Variants in XKR9 observed in about 807,000 individuals in gnomAD.
The protein encoded by XKR9 is XK-related protein 9.
A neutral mutation model predicts 32.0 loss-of-function variants in XKR9; 32 were observed. The observed-to-expected ratio is 1.00, with a 90% confidence interval of 0.76 to 1.34. XKR9 has a LOEUF of 1.34. Among genes scored for constraint, XKR9 ranks in the 40% most tolerant of loss-of-function variants. The pLI, the probability that XKR9 is intolerant of heterozygous loss-of-function variation, is 0.00. For missense variants in XKR9, 546 were observed against 429.7 expected, an observed-to-expected ratio of 1.27 and a Z score of -2.39; for synonymous variants, 168 against 143.4, an observed-to-expected ratio of 1.17 and a Z score of -1.22.
At chr8:70,716,518 G>A (rs66555393) in intron 4 of XKR9, among the ~76,000 whole-genome samples, 19,738 of 152,092 alleles carry the variant, frequency 0.13, 1,697 homozygotes, top group African/African-American at 0.24. Context: ...AATGAGAGCC[G>A]AATGAAGGGG....
intron 2 of XKR9, among the ~76,000 whole-genome samples, chr8:70,781,558 A>C (rs1479185264): frequency 6.6e-6 from 1 of 151,886 alleles, no homozygotes; most frequent in Non-Finnish European, 1.5e-5. Context: ...TCCAAAAAAA[A>C]AAAAAAGAGT....
the XKR9 span, among the ~76,000 whole-genome samples, chr8:71,011,191 A>G: frequency 6.6e-6 from 1 of 152,090 alleles, no homozygotes; most frequent in African/African-American, 2.4e-5. Context: ...GACGAGCAAA[A>G]TATGATTTAT....
chr8:70,712,486 T>C (rs1805952095), intron 4 of XKR9, among the ~76,000 whole-genome samples: 3 of 152,038 alleles, frequency 2.0e-5, no homozygotes, highest in African/African-American at 7.2e-5. Context: ...CCTCACAACC[T>C]TGGTGAGGAA....
At chr8:70,738,896 G>T (rs368192214), downstream of XKR9, among the ~76,000 whole-genome samples, 3 of 152,138 alleles carry the variant, frequency 2.0e-5, no homozygotes, top group East Asian at 5.8e-4. Flanking sequence ...CCAAGTATGT[G>T]GTCAATTTTG....
At chr8:70,941,177 A>G in the XKR9 span, among the ~76,000 whole-genome samples, 1 of 151,924 alleles carries the variant, frequency 6.6e-6, no homozygotes, top group South Asian at 2.1e-4. Flanking sequence ...TTTGGGATTT[A>G]CATATTCTGG....
chr8:70,719,143 G>A (rs1006329997), intron 4 of XKR9, among the ~76,000 whole-genome samples: 8 of 151,822 alleles, frequency 5.3e-5, no homozygotes, highest in African/African-American at 1.7e-4. Flanking sequence ...ATCCTTCACT[G>A]ACTTTTTGAT....
At chr8:70,867,026 G>A in the XKR9 span, among the ~76,000 whole-genome samples, 153 of 152,178 alleles carry the variant, frequency 1.0e-3, no homozygotes, top group Non-Finnish European at 1.5e-3. Flanking sequence ...TTATTTTCAC[G>A]CTGCTGATAA....
the XKR9 span, among the ~76,000 whole-genome samples, chr8:70,921,564 G>T: frequency 6.6e-6 from 1 of 152,072 alleles, no homozygotes; most frequent in African/African-American, 2.4e-5. Context: ...AGAAGATTTA[G>T]TTTTATTATT....
At chr8:71,061,066 A>C in the XKR9 span, among the ~76,000 whole-genome samples, 4 of 152,200 alleles carry the variant, frequency 2.6e-5, no homozygotes, top group African/African-American at 9.7e-5. Context: ...GGTAGTTTTA[A>C]TATGTCCTTT....
At chr8:70,917,706 T>G in the XKR9 span, among the ~76,000 whole-genome samples, 1 of 152,226 alleles carries the variant, frequency 6.6e-6, no homozygotes, top group African/African-American at 2.4e-5. Flanking sequence ...GTCGTAATCT[T>G]TAAAAGTGTA....
the XKR9 span, among the ~76,000 whole-genome samples, chr8:71,035,961 T>C: frequency 1.3e-5 from 2 of 152,148 alleles, no homozygotes; most frequent in African/African-American, 4.8e-5. Flanking sequence ...AAACAGGCCT[T>C]ACTAAGCCCT....
intron 3 of XKR9, among the ~76,000 whole-genome samples, chr8:70,703,473 TA>T (rs1805609120): frequency 1.3e-5 from 2 of 152,144 alleles, no homozygotes; most frequent in Non-Finnish European, 2.9e-5. Flanking sequence ...GTGGTGTTCT[TA>T]CATGGTGGAT....
intron 2 of XKR9, among the ~76,000 whole-genome samples, chr8:70,785,733 C>CTATA (rs1182179782): frequency 8.9e-6 from 1 of 112,158 alleles, no homozygotes; most frequent in African/African-American, 3.0e-5. Context: ...CTCTCTCTCT[C>CTATA]TCTCTCTATA....
the XKR9 span, among the ~76,000 whole-genome samples, chr8:71,029,883 T>C: frequency 1.6e-3 from 247 of 151,946 alleles, 1 homozygote; most frequent in East Asian, 0.034. Context: ...TTTTATGAGG[T>C]GTAAAATCAG....
chr8:70,963,429 T>C, the XKR9 span, among the ~76,000 whole-genome samples: 1 of 152,308 alleles, frequency 6.6e-6, no homozygotes, highest in East Asian at 1.9e-4. Flanking sequence ...AATGAGCATA[T>C]GCATGCCAGT....
At chr8:70,844,514 A>C in the XKR9 span, among the ~76,000 whole-genome samples, 1 of 152,170 alleles carries the variant, frequency 6.6e-6, no homozygotes, top group East Asian at 1.9e-4. Flanking sequence ...TTGCTGCTGC[A>C]GTCACCCAAG....
At chr8:70,789,991 G>A (rs982791567) in intron 3 of XKR9, 14 of 150,712 alleles carry the variant, frequency 9.3e-5, no homozygotes, top group African/African-American at 3.4e-4. Flanking sequence ...AGTCTCCAGA[G>A]ATAAGAACAG....
At chr8:70,697,079 T>C (rs1380481579) in intron 3 of XKR9, among the ~76,000 whole-genome samples, 1 of 151,456 alleles carries the variant, frequency 6.6e-6, no homozygotes, top group Non-Finnish European at 1.5e-5. Flanking sequence ...TAAGGAGATT[T>C]TGGGCTGAGA....
chr8:70,868,270 G>A, the XKR9 span, among the ~76,000 whole-genome samples: 3 of 152,124 alleles, frequency 2.0e-5, no homozygotes, highest in Admixed American at 6.5e-5. Flanking sequence ...GGGACTCTGT[G>A]TGGGGGCTCT....
Sources: gnomAD v4.1 joint callset for allele counts (sites outside exome capture counted in the v4.1 genomes callset) on GRCh38, gnomAD v4.1.1 for gene constraint, MANE v1.5 for transcripts, NCBI Gene and HGNC (gene_info 2026-07-23, HGNC 2026-07-21) for gene names.